Variants in DTWD2 observed in about 807,000 individuals in gnomAD.
DTWD2 encodes the protein tRNA-uridine aminocarboxypropyltransferase 2.
DTWD2 carries 39 observed loss-of-function variants against 31.8 expected under a neutral mutation model. That is an observed-to-expected ratio of 1.22 (90% CI 0.95 to 1.60). The LOEUF is 1.60. Ranked by LOEUF, DTWD2 falls within the 40% of genes most tolerant of loss-of-function variation. The pLI, the probability that DTWD2 is intolerant of heterozygous loss-of-function variation, is 0.00. For missense variants in DTWD2, 515 were observed against 381.5 expected, an observed-to-expected ratio of 1.35 and a Z score of -2.92; for synonymous variants, 180 against 142.8, an observed-to-expected ratio of 1.26 and a Z score of -1.86.
chr5:118,939,427 A>G, intron 2 of DTWD2, 137 bp from the exon 3 acceptor site: 1 of 691,530 alleles, frequency 1.4e-6, no homozygotes, highest in African/African-American at 1.8e-5. Context: ...AGTTTAATAA[A>G]AAGAGGTAAA....
intron 4 of DTWD2, among the ~76,000 whole-genome samples, chr5:118,908,992 C>G (rs1753398274): frequency 6.6e-6 from 1 of 152,216 alleles, no homozygotes; most frequent in East Asian, 1.9e-4. Flanking sequence ...TAAAAACAGT[C>G]TCATTTTTCC....
intron 4 of DTWD2, among the ~76,000 whole-genome samples, chr5:118,902,975 T>C (rs1456617526): frequency 6.6e-6 from 1 of 152,106 alleles, no homozygotes; most frequent in Non-Finnish European, 1.5e-5. Flanking sequence ...GGTATATCTA[T>C]GTTGTAGCAC....
chr5:118,856,112 T>C (rs749702355), intron 4 of DTWD2, among the ~76,000 whole-genome samples: 2 of 152,156 alleles, frequency 1.3e-5, no homozygotes, highest in Non-Finnish European at 2.9e-5. Context: ...CGGATGTCCA[T>C]AATAAAACAG....
rs898288593 is a variant in DTWD2, at chr5:118,837,072, G to A, written c.*3845C>T. Among the ~76,000 whole-genome samples, 4 of 152,092 alleles carry A rather than the reference G, an allele frequency of 2.6e-5. No individual in the cohort carries two copies. Among genetic ancestry groups the A allele is most frequent in the Admixed American group, 6.5e-5 (1 of 15,268 alleles). ...AAACATGCTATGTAAGGATGTATGA[G>A]TATTTGTATAAATAACAACAGCTAG... On this transcript the variant is annotated 3_prime_UTR_variant, in exon 6 of 6. Transcript: ENST00000510708.
intron 4 of DTWD2, 70 bp from the exon 5 acceptor site, chr5:118,848,288 T>C (rs1441077570): frequency 5.8e-6 from 8 of 1,379,234 alleles, no homozygotes; most frequent in Non-Finnish European, 6.8e-6. Context: ...GTGTTTTAAA[T>C]ACTAATTACT....
intron 1 of DTWD2, among the ~76,000 whole-genome samples, chr5:118,962,635 T>TA (rs1207018496): frequency 1.4e-4 from 21 of 151,544 alleles, no homozygotes; most frequent in African/African-American, 4.6e-4. Flanking sequence ...GGAGTAAAAA[T>TA]AAAAGAGGGA....
At chr5:118,971,085 G>A (rs1754974758) in intron 1 of DTWD2, among the ~76,000 whole-genome samples, 1 of 152,140 alleles carries the variant, frequency 6.6e-6, no homozygotes, top group Non-Finnish European at 1.5e-5. Context: ...AAACAAGTCT[G>A]CAAAATAACC....
At chr5:118,845,896 G>C (rs1043933886) in intron 5 of DTWD2, among the ~76,000 whole-genome samples, 5 of 152,054 alleles carry the variant, frequency 3.3e-5, no homozygotes, top group African/African-American at 1.2e-4. Context: ...GCACAATCTA[G>C]CAAGATTCAA....
intron 1 of DTWD2, among the ~76,000 whole-genome samples, chr5:118,978,199 C>G (rs1271101877): frequency 6.6e-6 from 1 of 152,000 alleles, no homozygotes; most frequent in South Asian, 2.1e-4. Context: ...TGGTCCTCTT[C>G]CTTACACCTT....
At chr5:118,949,026 A>T (rs1407568097) in intron 1 of DTWD2, among the ~76,000 whole-genome samples, 1 of 152,206 alleles carries the variant, frequency 6.6e-6, no homozygotes. Flanking sequence ...ATTAAGAATT[A>T]TGCCGAGATA....
chr5:118,841,311 A>G (rs1383249664), intron 5 of DTWD2, among the ~76,000 whole-genome samples: 1 of 152,228 alleles, frequency 6.6e-6, no homozygotes, highest in African/African-American at 2.4e-5. Context: ...TTAAAAAGAT[A>G]CAAATACTGA....
intron 4 of DTWD2, among the ~76,000 whole-genome samples, chr5:118,892,271 C>T (rs1752991640): frequency 6.6e-6 from 1 of 152,108 alleles, no homozygotes; most frequent in Admixed American, 6.5e-5. Context: ...AAGCATACCT[C>T]AAATTTTACA....
At chr5:118,869,889 T>G (rs562722207) in intron 4 of DTWD2, among the ~76,000 whole-genome samples, 5 of 152,238 alleles carry the variant, frequency 3.3e-5, no homozygotes, top group Non-Finnish European at 7.4e-5. Flanking sequence ...AGGTGTTGGA[T>G]CACGGAGGCA....
chr5:118,849,993 A>G (rs1751960180), intron 4 of DTWD2, among the ~76,000 whole-genome samples: 1 of 151,994 alleles, frequency 6.6e-6, no homozygotes, highest in Admixed American at 6.6e-5. Flanking sequence ...CATCCTGCAC[A>G]TGTATCCCAG....
rs78728167 is a variant in DTWD2, at chr5:118,887,731, G to A, written c.598-39513C>T. 6.3e-3 allele frequency among the ~76,000 whole-genome samples: 958 copies of A among 152,286 alleles called. 31 individuals carry two copies. In the East Asian group the frequency reaches 0.11, roughly 18 times the overall value. On this transcript the variant is annotated intron_variant, in intron 4 of 5. Coordinates refer to ENST00000510708, the MANE Select transcript of DTWD2 (RefSeq NM_173666.4). ...ACTCCTGGGCTCAAGCAATTCTCCT[G>A]CCTCAGCCTCCTGAGTACCTAGGAC...
Position 118,944,623 on chromosome 5 carries a change from G to A in DTWD2, c.245C>T (p.Pro82Leu). 6.2e-7 allele frequency: 1 copy of A among 1,613,224 alleles called. No homozygotes were observed. The highest frequency in any genetic ancestry group is 8.5e-7 in the Non-Finnish European group (1 of 1,179,656). Residue 82 changes from proline (P) to leucine (L), a missense_variant, in exon 2 of 6, where the codon CCA (proline) becomes CTA (leucine). By Grantham distance (98) the Pro-to-Leu change is moderately conservative. Transcript: ENST00000510708. ...CSRPQKVCLC[P>L]FLPAHPLHIS... Reference sequence around the variant, plus strand: ...ATGCAGAGGGTGCGCTGGGAGAAATGGACACAAACACACTTTCTGAGGCCG... The same window carrying A: ...ATGCAGAGGGTGCGCTGGGAGAAATAGACACAAACACACTTTCTGAGGCCG...
In DTWD2 at chr5:118,971,702, C is replaced by G. The variant is rs1180107633; in HGVS notation, c.218+16592G>C. ...ATATTTTTCTCCTAGACACATGGCACTTACTCAAAAATTGATCACATAATT... is the reference window on the plus strand; with the variant it reads ...ATATTTTTCTCCTAGACACATGGCAGTTACTCAAAAATTGATCACATAATT... On this transcript the variant is annotated intron_variant, in intron 1 of 5. Transcript: ENST00000510708. Among the ~76,000 whole-genome samples, 6 of 152,188 alleles carry G rather than the reference C, an allele frequency of 3.9e-5. No individual in the cohort carries two copies. In the East Asian group the frequency reaches 9.6e-4, roughly 24 times the overall value.
At chr5:118,887,556 G>A (rs1752893620) in intron 4 of DTWD2, among the ~76,000 whole-genome samples, 1 of 152,164 alleles carries the variant, frequency 6.6e-6, no homozygotes, top group Non-Finnish European at 1.5e-5. Context: ...CTAGCCTTCT[G>A]TATACAAAAG....
At chr5:118,852,305 TCA>T (rs912366793) in intron 4 of DTWD2, among the ~76,000 whole-genome samples, 1 of 152,162 alleles carries the variant, frequency 6.6e-6, no homozygotes, top group Non-Finnish European at 1.5e-5. Flanking sequence ...AACGCAATCA[TCA>T]CAGAGTCCTG....
Sources: allele counts gnomAD v4.1 joint callset (sites outside exome capture counted in the v4.1 genomes callset), GRCh38; gene constraint gnomAD v4.1.1; transcripts MANE v1.5; gene names NCBI Gene and HGNC (gene_info 2026-07-23, HGNC 2026-07-21).